The following UVRAG variants were observed in gnomAD, a reference collection of about 807,000 sequenced individuals.
UVRAG encodes the protein UV radiation resistance-associated gene protein.
Under a neutral mutation model 78.0 loss-of-function variants are expected in UVRAG, and 19 were observed. The observed-to-expected ratio is 0.24, with a 90% CI of 0.17 to 0.36. UVRAG has a LOEUF of 0.36. Among genes scored for constraint, UVRAG ranks in the 10% least tolerant of loss-of-function variants. UVRAG has a pLI of 1.00. For missense variants in UVRAG, 740 were observed against 853.8 expected, an observed-to-expected ratio of 0.87 and a Z score of 1.66; for synonymous variants, 323 against 324.6, an observed-to-expected ratio of 1.00 and a Z score of 0.05.
At chr11:75,889,679 A>C (rs1428534095) in intron 5 of UVRAG, among the ~76,000 whole-genome samples, 1 of 152,176 alleles carries the variant, frequency 6.6e-6, no homozygotes, top group African/African-American at 2.4e-5. Context: ...TCATTTATTC[A>C]ACAACATTTT....
intron 4 of UVRAG, among the ~76,000 whole-genome samples, chr11:75,887,925 A>G (rs1055709122): frequency 6.6e-6 from 1 of 152,144 alleles, no homozygotes; most frequent in African/African-American, 2.4e-5. Context: ...TTTTAAATGA[A>G]GTTTAATTTG....
At chr11:76,018,239 C>G (rs552900173) in intron 12 of UVRAG, among the ~76,000 whole-genome samples, 16 of 149,856 alleles carry the variant, frequency 1.1e-4, no homozygotes, top group South Asian at 1.0e-3. Context: ...TATGTAACAT[C>G]ACTCTCTCCT....
At chr11:75,913,206 A>G (rs566823069) in intron 6 of UVRAG, among the ~76,000 whole-genome samples, 3 of 152,360 alleles carry the variant, frequency 2.0e-5, no homozygotes, top group East Asian at 1.9e-4. Flanking sequence ...GTAGGGTACA[A>G]TTATTTTAAA....
At chr11:76,133,926 C>CT (rs1952556149) in intron 14 of UVRAG, among the ~76,000 whole-genome samples, 1 of 149,646 alleles carries the variant, frequency 6.7e-6, no homozygotes. Context: ...CTCCAAATCT[C>CT]TTTTATACTT....
chr11:75,823,653 A>G (rs1282614098), intron 1 of UVRAG, among the ~76,000 whole-genome samples: 1 of 152,224 alleles, frequency 6.6e-6, no homozygotes, highest in African/African-American at 2.4e-5. Flanking sequence ...AAAGTCACAC[A>G]GAGTGTCAAC....
At chr11:76,024,904 T>C (rs1444089805) in intron 12 of UVRAG, among the ~76,000 whole-genome samples, 1 of 152,116 alleles carries the variant, frequency 6.6e-6, no homozygotes, top group Non-Finnish European at 1.5e-5. Flanking sequence ...AAGTAGAAAT[T>C]GAATGACTCA....
At chr11:76,022,717 C>G (rs1181261152) in intron 12 of UVRAG, among the ~76,000 whole-genome samples, 4 of 152,150 alleles carry the variant, frequency 2.6e-5, no homozygotes, top group Admixed American at 6.5e-5. Context: ...ATGCATTCCT[C>G]CAATCTCTGC....
At chr11:75,992,658 C>G (rs973362218) in intron 8 of UVRAG, among the ~76,000 whole-genome samples, 4 of 152,148 alleles carry the variant, frequency 2.6e-5, no homozygotes, top group African/African-American at 9.7e-5. Flanking sequence ...TTTTGGGCAC[C>G]TGTGTTCTTC....
chr11:76,102,909 G>C (rs1951902385), intron 13 of UVRAG, among the ~76,000 whole-genome samples: 1 of 152,122 alleles, frequency 6.6e-6, no homozygotes, highest in African/African-American at 2.4e-5. Flanking sequence ...TCAACGTGTT[G>C]GCCAGGCTGA....
Position 76,141,118 on chromosome 11 carries a change from C to G in UVRAG, c.1805C>G (p.Pro602Arg), listed in dbSNP as rs1428257232. The G allele has an allele frequency of 6.2e-7, 1 of 1,614,124 alleles. No individual in the cohort carries two copies. Among genetic ancestry groups the G allele is most frequent in the South Asian group, 1.1e-5 (1 of 91,078 alleles). The change falls in exon 15 of 15, where the codon CCC (proline) becomes CGC (arginine). Residue 602 changes from proline to arginine, a missense_variant. Transcript: ENST00000356136. The stretch of plus-strand genomic sequence containing the variant: ...GCCACAGTCAATGGCACTCTCCTAC[C>G]CAGCGAGCAGGCCGGGTCCGCCAGT... Reference protein sequence around the residue: ...HRATVNGTLLPSEQAGSASVQ... With the variant: ...HRATVNGTLLRSEQAGSASVQ...
At chr11:75,910,191 T>C (rs1947704634) in intron 5 of UVRAG, among the ~76,000 whole-genome samples, 2 of 152,230 alleles carry the variant, frequency 1.3e-5, no homozygotes, top group Non-Finnish European at 2.9e-5. Context: ...AATAATATTC[T>C]CCTAATATCC....
intron 2 of UVRAG, among the ~76,000 whole-genome samples, chr11:75,854,006 C>G (rs984175906): frequency 6.6e-6 from 1 of 151,752 alleles, no homozygotes; most frequent in Non-Finnish European, 1.5e-5. Flanking sequence ...CTCCTGACCT[C>G]AGGTGATCCC....
At chr11:75,966,066 C>T (rs1191576756) in intron 7 of UVRAG, among the ~76,000 whole-genome samples, 4 of 151,938 alleles carry the variant, frequency 2.6e-5, no homozygotes, top group South Asian at 2.1e-4. Flanking sequence ...GTTTTTATCA[C>T]GAATAGAAGA....
intron 5 of UVRAG, among the ~76,000 whole-genome samples, chr11:75,904,240 AT>A (rs1947569669): frequency 6.6e-6 from 1 of 152,116 alleles, no homozygotes; most frequent in South Asian, 2.1e-4. Flanking sequence ...TAAATTATCT[AT>A]TTCCCTGAGC....
At chr11:75,843,433 C>G (rs1945959249) in intron 1 of UVRAG, among the ~76,000 whole-genome samples, 1 of 152,148 alleles carries the variant, frequency 6.6e-6, no homozygotes, top group African/African-American at 2.4e-5. Flanking sequence ...AGTTCTTTCC[C>G]TAGTTGTAAT....
chr11:76,134,318 C>A (rs1952565085), intron 14 of UVRAG, among the ~76,000 whole-genome samples: 1 of 145,074 alleles, frequency 6.9e-6, no homozygotes, highest in South Asian at 2.2e-4. Context: ...AGCTGGAATG[C>A]AGTAGCATGA....
At chr11:76,022,814 T>C (rs1009107788) in intron 12 of UVRAG, among the ~76,000 whole-genome samples, 3 of 152,212 alleles carry the variant, frequency 2.0e-5, no homozygotes, top group Non-Finnish European at 4.4e-5. Flanking sequence ...GTTTTCTGTA[T>C]GTCTTATGCT....
intron 1 of UVRAG, among the ~76,000 whole-genome samples, chr11:75,822,712 C>A (rs991262499): frequency 1.3e-5 from 2 of 151,062 alleles, no homozygotes; most frequent in Admixed American, 6.6e-5. Flanking sequence ...TACAGACGAG[C>A]AGCCAGATGG....
chr11:75,890,286 A>C (rs1469706910), intron 5 of UVRAG, among the ~76,000 whole-genome samples: 8 of 152,242 alleles, frequency 5.3e-5, no homozygotes, highest in Admixed American at 5.2e-4. Context: ...AGGCAAGAAT[A>C]TTTGTGGGAG....
Sources: allele counts gnomAD v4.1 joint callset (sites outside exome capture counted in the v4.1 genomes callset), GRCh38; gene constraint gnomAD v4.1.1; transcripts MANE v1.5; gene names NCBI Gene and HGNC (gene_info 2026-07-23, HGNC 2026-07-21).